The following SLC27A1 variants were observed in gnomAD, a reference collection of about 807,000 sequenced individuals.
The protein encoded by SLC27A1 is solute carrier family 27 member 1, also known as long-chain fatty acid transport protein 1.
Under a neutral mutation model 62.2 loss-of-function variants are expected in SLC27A1, and 61 were observed. That is an observed-to-expected ratio of 0.98 (90% CI 0.80 to 1.21). The LOEUF is 1.21. Among genes scored for constraint, SLC27A1 ranks in the 50% most tolerant of loss-of-function variants. SLC27A1 has a pLI of 0.00. For missense variants in SLC27A1, 903 were observed against 932.1 expected, an observed-to-expected ratio of 0.97 and a Z score of 0.41; for synonymous variants, 435 against 408.6, an observed-to-expected ratio of 1.06 and a Z score of -0.78.
At chr19:17,504,354 ACAGCC>A in intron 11 of SLC27A1, 96 bp from the exon 12 acceptor site, 1 of 1,396,098 alleles carries the variant, frequency 7.2e-7, no homozygotes, top group Non-Finnish European at 1.0e-6. Context: ...TGCCCAGGGG[ACAGCC>A]TGTGGGAAGG....
chr19:17,497,148 C>T, intron 6 of SLC27A1, 107 bp from the exon 7 acceptor site: 1 of 811,546 alleles, frequency 1.2e-6, no homozygotes, highest in Non-Finnish European at 1.9e-6. Flanking sequence ...GGCTGTTCCG[C>T]TCATAGGATT....
upstream of SLC27A1, among the ~76,000 whole-genome samples, chr19:17,469,700 G>A (rs1341222091): frequency 6.6e-6 from 1 of 152,156 alleles, no homozygotes; most frequent in African/African-American, 2.4e-5. Context: ...GAAGTAGACA[G>A]GAGGGAAGAG....
intron 11 of SLC27A1, 50 bp downstream of exon 11, chr19:17,501,469 G>C (rs753399559): frequency 3.8e-6 from 6 of 1,582,986 alleles, no homozygotes; most frequent in Non-Finnish European, 5.2e-6. Flanking sequence ...CAGTGTGTCT[G>C]TTGATTCATG....
In SLC27A1 at chr19:17,486,970, G is replaced by C; in HGVS notation, c.562+13G>C. ...GAAATGGTGGCGGGTGAGGCCAGGC[G>C]TGGGCATCAGGTGGGCGGGGACCCA... On this transcript the variant is annotated intron_variant, in intron 2 of 11. Transcript: ENST00000252595. This position sits in a 1 kb window ranked among gnomAD's most constrained non-coding sequence, Gnocchi z 6.6. 1 of 1,557,962 alleles carries C rather than the reference G, an allele frequency of 6.4e-7. No homozygotes were observed. The highest frequency in any genetic ancestry group is 1.3e-5 in the African/African-American group (1 of 74,086).
rs777622845 is a variant in SLC27A1 at position 17,488,858 on chromosome 19, A to C, written c.805A>C (p.Met269Leu). ...CCCCTCCCCCTGCAGGTACTACCGC[A>C]TGGCAGCCTTCGGCCACCACGCCTA... ...AIVVHSRYYR[M>L]AAFGHHAYRM... Residue 269 changes from methionine (M) to leucine (L), a missense_variant, in exon 5 of 12, where the codon ATG becomes CTG. By Grantham distance (15) the Met-to-Leu change is conservative. Transcript: ENST00000252595. The C allele has an allele frequency of 5.6e-6, 9 of 1,613,636 alleles. No individual in the cohort carries two copies. In the South Asian group the frequency reaches 8.8e-5, roughly 16 times the overall value.
At chr19:17,502,064 C>T (rs1475172290) in intron 11 of SLC27A1, among the ~76,000 whole-genome samples, 1 of 151,708 alleles carries the variant, frequency 6.6e-6, no homozygotes, top group Non-Finnish European at 1.5e-5. Context: ...TGCAGTGAGC[C>T]GAGATCAGGC....
Position 17,474,368 on chromosome 19 carries a change from G to A in SLC27A1, c.167+3661G>A, listed in dbSNP as rs79098294. On this transcript the variant is annotated intron_variant, in intron 1 of 11. Coordinates refer to ENST00000252595, the MANE Select transcript of SLC27A1 (RefSeq NM_198580.3). ...GCCCCACTCAGGATTGGCGCACAGC[G>A]GTAGCGCAGGACATGTTTGTTAGGT... Among the ~76,000 whole-genome samples, 185 of 152,286 alleles carry A rather than the reference G, an allele frequency of 1.2e-3. 1 individual carries two copies. The highest frequency in any genetic ancestry group is 3.9e-3 in the African/African-American group (161 of 41,572).
At chr19:17,481,305 T>A (rs1437181902) in intron 1 of SLC27A1, among the ~76,000 whole-genome samples, 1 of 150,924 alleles carries the variant, frequency 6.6e-6, no homozygotes, top group Non-Finnish European at 1.5e-5. Flanking sequence ...AAGCACATGG[T>A]TTAGTTCCTT....
intron 11 of SLC27A1, chr19:17,503,526 C>T (rs1230970090): frequency 1.3e-5 from 2 of 151,844 alleles, no homozygotes; most frequent in Admixed American, 6.6e-5. Context: ...ATAATGCAAT[C>T]ATAGTTTACT....
chr19:17,489,249 C>A lies in SLC27A1; in HGVS notation c.996+132C>A. 3 of 687,834 alleles carry A rather than the reference C, an allele frequency of 4.4e-6. No individual in the cohort carries two copies. The South Asian group carries it at 5.5e-5, about 13-fold the overall frequency. The allele number at this position is 687,834 out of a possible 1,614,324, so 42.6% of individuals were successfully genotyped here. On this transcript the variant is annotated intron_variant, in intron 6 of 11. Coordinates refer to ENST00000252595, the MANE Select transcript of SLC27A1 (RefSeq NM_198580.3). ...AAGCCCCACCTCCTCCTGGTCAGGTCCCGTCCTCTCCCAGCCAGGCCCCGC... is the reference window on the plus strand; with the variant it reads ...AAGCCCCACCTCCTCCTGGTCAGGTACCGTCCTCTCCCAGCCAGGCCCCGC...
chr19:17,473,462 C>T (rs2075095393), intron 1 of SLC27A1, among the ~76,000 whole-genome samples: 1 of 152,208 alleles, frequency 6.6e-6, no homozygotes, highest in African/African-American at 2.4e-5. Flanking sequence ...TTATCAGACT[C>T]AAACCTGCTT....
chr19:17,469,699 A>T (rs958567512), upstream of SLC27A1, among the ~76,000 whole-genome samples: 1 of 152,006 alleles, frequency 6.6e-6, no homozygotes, highest in Non-Finnish European at 1.5e-5. Context: ...CGAAGTAGAC[A>T]GGAGGGAAGA....
At chr19:17,504,004 T>C (rs2075446936) in intron 11 of SLC27A1, among the ~76,000 whole-genome samples, 1 of 150,234 alleles carries the variant, frequency 6.7e-6, no homozygotes, top group African/African-American at 2.4e-5. Context: ...AGGCTGGTCT[T>C]AAACTCCTGG....
At chr19:17,476,094 C>A (rs1211270480) in intron 1 of SLC27A1, among the ~76,000 whole-genome samples, 1 of 152,136 alleles carries the variant, frequency 6.6e-6, no homozygotes, top group Non-Finnish European at 1.5e-5. Context: ...TGGACGGGCA[C>A]CCTACTGGCA....
chr19:17,480,657 C>T (rs747616200), intron 1 of SLC27A1, among the ~76,000 whole-genome samples: 2 of 145,564 alleles, frequency 1.4e-5, no homozygotes, highest in Non-Finnish European at 1.5e-5. Context: ...GCATTATAGG[C>T]GTGAGCCACC....
At chr19:17,502,236 T>C (rs1009707612) in intron 11 of SLC27A1, among the ~76,000 whole-genome samples, 4 of 151,986 alleles carry the variant, frequency 2.6e-5, no homozygotes, top group African/African-American at 9.7e-5. Context: ...CACAGCCAGC[T>C]AGCACTGTGG....
chr19:17,470,451 G>A, upstream of SLC27A1: 2 of 1,354,900 alleles, frequency 1.5e-6, no homozygotes. Context: ...GGCGCGGCTC[G>A]CTGTAGAGGC....
At chr19:17,493,587 G>A (rs1350516442) in intron 6 of SLC27A1, among the ~76,000 whole-genome samples, 2 of 151,770 alleles carry the variant, frequency 1.3e-5, no homozygotes, top group African/African-American at 4.8e-5. Context: ...TTGCAGTCTA[G>A]CCATTCTCAT....
rs35790162 is a variant in SLC27A1 at position 17,492,616 on chromosome 19, CAAAAAAAAA to C, written c.996+3510_996+3518del. Among the ~76,000 whole-genome samples the C allele has an allele frequency of 5.4e-4, 38 of 70,638 alleles. No individual in the cohort carries two copies. In the East Asian group the frequency reaches 0.013, roughly 24 times the overall value. The allele number at this position is 70,638 out of a possible 152,430, so 46.3% of individuals were successfully genotyped here. A position where few individuals can be genotyped will look rare whatever the true frequency, so the allele number is the denominator to read the frequency against. ...GGGTGACAAGAGTGAGACTCCATCT[CAAAAAAAAA>C]AAAAAAAAAAGAAAAAGAAATAGAG... On this transcript the variant is annotated intron_variant, in intron 6 of 11. Coordinates refer to ENST00000252595, the MANE Select transcript of SLC27A1 (RefSeq NM_198580.3).
Sources: allele counts gnomAD v4.1 joint callset (sites outside exome capture counted in the v4.1 genomes callset), GRCh38; gene constraint gnomAD v4.1.1; non-coding constraint Gnocchi (gnomAD v3.1); transcripts MANE v1.5; gene names NCBI Gene and HGNC (gene_info 2026-07-23, HGNC 2026-07-21).